AOPEP: variants seen among roughly 807,000 people sequenced by gnomAD.
AOPEP encodes aminopeptidase O.
AOPEP carries 77 observed loss-of-function variants against 98.1 expected under a neutral mutation model. That is an observed-to-expected ratio of 0.78 (90% confidence interval 0.65 to 0.95). The LOEUF is 0.95. Ranked by LOEUF, AOPEP falls within the 40% of genes least tolerant of loss-of-function variation. The pLI is 0.00. For missense variants in AOPEP, 1,024 were observed against 1,024.7 expected (o/e 1.00, Z 0.01); for synonymous variants, 346 against 365.3 (o/e 0.95, Z 0.60).
At chr9:95,132,154 C>T in the AOPEP span, among the ~76,000 whole-genome samples, 2 of 152,276 alleles carry the variant, frequency 1.3e-5, no homozygotes, top group South Asian at 2.1e-4. Flanking sequence ...GACCCAGCTG[C>T]GGGCGGGCTC....
chr9:94,812,875 C>T (rs1281478287), intron 5 of AOPEP, among the ~76,000 whole-genome samples: 1 of 151,976 alleles, frequency 6.6e-6, no homozygotes, highest in Non-Finnish European at 1.5e-5. Context: ...TGGTGTAGAC[C>T]TAAAAGGAAG....
At chr9:94,970,302 A>G (rs2059456873) in intron 10 of AOPEP, among the ~76,000 whole-genome samples, 1 of 152,090 alleles carries the variant, frequency 6.6e-6, no homozygotes, top group Non-Finnish European at 1.5e-5. Flanking sequence ...CCCCTTCTTT[A>G]TGTTGGGAAC....
chr9:94,913,558 G>A (rs10993391), intron 5 of AOPEP, among the ~76,000 whole-genome samples: 7,686 of 152,296 alleles, frequency 0.05, 282 homozygotes, highest in South Asian at 0.13. Flanking sequence ...CAATAGCCAG[G>A]TGATCCCTTA....
chr9:95,125,350 T>C, the AOPEP span, among the ~76,000 whole-genome samples: 1 of 152,238 alleles, frequency 6.6e-6, no homozygotes, highest in Non-Finnish European at 1.5e-5. Context: ...AGGATAAATT[T>C]GTCGCTCCCT....
the AOPEP span, among the ~76,000 whole-genome samples, chr9:95,120,534 C>A: frequency 2.0e-5 from 3 of 152,072 alleles, no homozygotes; most frequent in Admixed American, 6.6e-5. Flanking sequence ...CCCACTTCAC[C>A]CCCCGAGTAG....
intron 13 of AOPEP, among the ~76,000 whole-genome samples, chr9:95,045,668 G>C (rs1049902426): frequency 5.3e-5 from 8 of 152,128 alleles, no homozygotes; most frequent in Non-Finnish European, 1.0e-4. Context: ...CTCTCCTAAG[G>C]GCCAGGTGTT....
chr9:94,961,660 A>G (rs1254090874), intron 9 of AOPEP, among the ~76,000 whole-genome samples: 1 of 152,038 alleles, frequency 6.6e-6, no homozygotes, highest in African/African-American at 2.4e-5. Flanking sequence ...TTGTCAACTT[A>G]TCTTTGAGCT....
chr9:94,985,175 C>T (rs973396556), intron 11 of AOPEP, among the ~76,000 whole-genome samples: 7 of 152,216 alleles, frequency 4.6e-5, no homozygotes, highest in Non-Finnish European at 7.3e-5. Context: ...GGAAATGAGC[C>T]GACAATAATG....
In AOPEP at chr9:94,756,177, G is replaced by A. The variant is rs145067793; in HGVS notation, c.-135-3472G>A. On this transcript the variant is annotated intron_variant, in intron 1 of 16. Transcript: ENST00000375315. ...TGGGAGGCTGAGGCAGGAGAATGGC[G>A]TGAACCAGGGAGGCGGAGCTTACAG... Among the ~76,000 whole-genome samples the A allele has an allele frequency of 2.8e-3, 412 of 146,690 alleles. 5 individuals carry two copies. The highest frequency in any genetic ancestry group is 9.7e-3 in the African/African-American group (385 of 39,578).
intron 5 of AOPEP, among the ~76,000 whole-genome samples, chr9:94,916,217 C>T (rs1588873325): frequency 6.6e-6 from 1 of 152,136 alleles, no homozygotes; most frequent in Non-Finnish European, 1.5e-5. Flanking sequence ...CAAACATCAT[C>T]GCCCTGATTG....
At chr9:94,759,361 T>C (rs924111943) in intron 1 of AOPEP, among the ~76,000 whole-genome samples, 1 of 152,260 alleles carries the variant, frequency 6.6e-6, no homozygotes, top group African/African-American at 2.4e-5. Flanking sequence ...GGTTACACTT[T>C]TGCATAACAC....
chr9:95,091,031 G>A (rs905235006), downstream of AOPEP, among the ~76,000 whole-genome samples: 2 of 152,156 alleles, frequency 1.3e-5, no homozygotes, highest in Admixed American at 6.5e-5. Context: ...TGCAACAGCC[G>A]GTGGCCGGGC....
chr9:94,785,019 C>T (rs1034881654), intron 3 of AOPEP, among the ~76,000 whole-genome samples: 6 of 152,144 alleles, frequency 3.9e-5, no homozygotes, highest in Admixed American at 2.0e-4. Flanking sequence ...CTGCAAACTC[C>T]GCCTCCCGGG....
chr9:95,101,763 G>A, the AOPEP span: 1 of 1,614,090 alleles, frequency 6.2e-7, no homozygotes, highest in Non-Finnish European at 8.5e-7. Context: ...TCTGATCTAG[G>A]GCTTTCAATG....
intron 13 of AOPEP, among the ~76,000 whole-genome samples, chr9:95,009,063 C>A (rs546600777): frequency 1.3e-5 from 2 of 152,182 alleles, no homozygotes; most frequent in South Asian, 2.1e-4. Context: ...GAATAACTAA[C>A]GAAGAACAAT....
chr9:94,741,600 C>T (rs77248560), intron 1 of AOPEP, among the ~76,000 whole-genome samples: 1,656 of 151,986 alleles, frequency 0.011, 31 homozygotes, highest in African/African-American at 0.038. Context: ...AAAGCAGGGA[C>T]GTGACATTAA....
At chr9:94,910,110 A>T (rs1564364880) in intron 5 of AOPEP, among the ~76,000 whole-genome samples, 1 of 152,104 alleles carries the variant, frequency 6.6e-6, no homozygotes, top group Admixed American at 6.5e-5. Flanking sequence ...CTAGATGGAC[A>T]CTTCTTCCCC....
At chr9:94,877,509 G>A (rs75141312) in intron 5 of AOPEP, among the ~76,000 whole-genome samples, 2,606 of 148,434 alleles carry the variant, frequency 0.018, 81 homozygotes, top group African/African-American at 0.061. Flanking sequence ...TGCAACCTCT[G>A]CCTCTGGGCT....
the AOPEP span, chr9:95,125,277 T>A: frequency 2.0e-6 from 2 of 994,524 alleles, no homozygotes; most frequent in Non-Finnish European, 3.2e-6. Context: ...TAGAAACACT[T>A]TTTTTGTGCC....
Sources: allele counts gnomAD v4.1 joint callset (sites outside exome capture counted in the v4.1 genomes callset), GRCh38; gene constraint gnomAD v4.1.1; transcripts MANE v1.5; gene names NCBI Gene and HGNC (gene_info 2026-07-23, HGNC 2026-07-21).